Variants in KDM5B observed in about 807,000 individuals in gnomAD.
KDM5B encodes lysine demethylase 5B.
KDM5B carries 144 observed loss-of-function variants against 193.4 expected under a neutral mutation model. That is an observed-to-expected ratio of 0.74 (90% CI 0.65 to 0.86). The LOEUF is 0.86. Among genes scored for constraint, KDM5B ranks in the 40% least tolerant of loss-of-function variants. The pLI is 0.00. For missense variants in KDM5B, 1,833 were observed against 1,886.9 expected (o/e 0.97, Z 0.53); for synonymous variants, 668 against 682.6 (o/e 0.98, Z 0.33).
In KDM5B at chr1:202,734,673, T is replaced by C. The variant is rs554932099; in HGVS notation, c.3423+756A>G. Among the ~76,000 whole-genome samples, 7 of 152,352 alleles carry C rather than the reference T, an allele frequency of 4.6e-5. No homozygotes were observed. In the South Asian group the frequency reaches 1.2e-3, roughly 27 times the overall value. On this transcript the variant is annotated intron_variant, in intron 22 of 26. Transcript: ENST00000367265. ...CACAGATGGAATGGAGGACCTCTGATGGCAGAATTCTGTCTAGAACCTGAC... is the reference window on the plus strand; with the variant it reads ...CACAGATGGAATGGAGGACCTCTGACGGCAGAATTCTGTCTAGAACCTGAC...
chr1:202,737,084 A>G (rs1272287688), intron 20 of KDM5B, among the ~76,000 whole-genome samples: 1 of 152,254 alleles, frequency 6.6e-6, no homozygotes, highest in Non-Finnish European at 1.5e-5. Flanking sequence ...AACAGAAATG[A>G]AGGTTTGTAG....
At position 202,773,173 on chromosome 1, in the gene KDM5B, T is replaced by G; in HGVS notation, c.521A>C (p.His174Pro). 1 of 1,613,806 alleles carries G rather than the reference T, an allele frequency of 6.2e-7. No individual in the cohort carries two copies. Among genetic ancestry groups the G allele is most frequent in the Non-Finnish European group, 8.5e-7 (1 of 1,179,660 alleles). ...GTAGGGGTTGAGAATTCGTTCATAATGCCCTCTGATATGTGAGCCCACTGC... is the reference window on the plus strand; with the variant it reads ...GTAGGGGTTGAGAATTCGTTCATAAGGCCCTCTGATATGTGAGCCCACTGC... ...GKAVGSHIRG[H>P]YERILNPYNL... The change falls in exon 4 of 27, where the codon CAT (histidine) becomes CCT (proline). Residue 174 changes from histidine (H) to proline (P), a missense_variant. By Grantham distance (77) the His-to-Pro change is moderately conservative (BLOSUM62 -2). Transcript: ENST00000367265.
At chr1:202,746,409 GAAA>G (rs71564197) in intron 14 of KDM5B, 86 bp from the exon 15 acceptor site, 173 of 503,584 alleles carry the variant, frequency 3.4e-4, no homozygotes, top group South Asian at 9.2e-4. Flanking sequence ...ACTTGAGTCT[GAAA>G]AAAAAAAAAA....
At position 202,808,092 on chromosome 1, in the gene KDM5B, C is replaced by A. The variant is rs201920245; in HGVS notation, c.204+10G>T. ...CCACGAGCTGGATCCGGGGTGCTGG[C>A]GTGACTCACCGGCGGCGGCCGCACC... On this transcript the variant is annotated intron_variant, in intron 1 of 26. Transcript: ENST00000367265. 1 of 1,609,706 alleles carries A rather than the reference C, an allele frequency of 6.2e-7. No homozygotes were observed. The highest frequency in any genetic ancestry group is 8.5e-7 in the Non-Finnish European group (1 of 1,178,378).
At chr1:202,807,690 G>A (rs1316972691) in intron 1 of KDM5B, among the ~76,000 whole-genome samples, 1 of 137,622 alleles carries the variant, frequency 7.3e-6, no homozygotes, top group Non-Finnish European at 1.6e-5. Flanking sequence ...CCCGGGAGCG[G>A]AGGCGAGGAC....
chr1:202,801,342 TAAG>T (rs2102347947), intron 1 of KDM5B, among the ~76,000 whole-genome samples: 1 of 152,272 alleles, frequency 6.6e-6, no homozygotes, highest in East Asian at 1.9e-4. Flanking sequence ...GATGGTGCTT[TAAG>T]AAGGATGGTC....
intron 12 of KDM5B, among the ~76,000 whole-genome samples, chr1:202,750,980 A>G (rs905363273): frequency 2.0e-5 from 3 of 152,204 alleles, no homozygotes; most frequent in African/African-American, 4.8e-5. Context: ...CCAGACTACC[A>G]AAGTTGATTA....
rs373666185 is a variant in KDM5B, at chr1:202,758,120, TTGC to T, written c.1197+268_1197+270del. Among the ~76,000 whole-genome samples, 139 of 152,310 alleles carry T rather than the reference TTGC, an allele frequency of 9.1e-4. 1 individual carries two copies. In the East Asian group the frequency reaches 0.017, roughly 19 times the overall value. On this transcript the variant is annotated intron_variant, in intron 9 of 26. Coordinates refer to ENST00000367265, the MANE Select transcript of KDM5B (RefSeq NM_006618.5). ...CTTTATATTTGTTGGGCCAAAATGA[TTGC>T]TGATGATTTTCTTTATTAGTGTTCT... is the stretch of plus-strand genomic sequence containing the variant.
chr1:202,737,748 T>C (rs147850395), intron 20 of KDM5B, among the ~76,000 whole-genome samples: 172 of 152,022 alleles, frequency 1.1e-3, no homozygotes, highest in African/African-American at 4.0e-3. Context: ...GTCTAGTCAG[T>C]GACATGAGAA....
At chr1:202,763,364 G>A (rs1572739257) in intron 6 of KDM5B, among the ~76,000 whole-genome samples, 1 of 152,116 alleles carries the variant, frequency 6.6e-6, no homozygotes, top group African/African-American at 2.4e-5. Flanking sequence ...CATTTCAAAG[G>A]TAAGAAAACT....
chr1:202,745,763 A>G, intron 16 of KDM5B, 95 bp downstream of exon 16: 1 of 1,394,240 alleles, frequency 7.2e-7, no homozygotes, highest in Non-Finnish European at 1.0e-6. Flanking sequence ...GGATGAGGTC[A>G]GGCTGTTTCA....
intron 19 of KDM5B, 39 bp downstream of exon 19, chr1:202,741,328 G>C: frequency 7.0e-7 from 1 of 1,433,974 alleles, no homozygotes; most frequent in South Asian, 1.4e-5. Context: ...GGAGATAACT[G>C]TCCAACCTTC....
Position 202,733,429 on chromosome 1 carries a change from G to A in KDM5B, c.3881C>T (p.Ser1294Leu). The A allele has an allele frequency of 6.2e-7, 1 of 1,613,362 alleles. No homozygotes were observed. The highest frequency in any genetic ancestry group is 8.5e-7 in the Non-Finnish European group (1 of 1,179,322). The change falls in exon 23 of 27, where the codon TCA becomes TTA. Residue 1294 changes from serine (S) to leucine (L), a missense_variant. Ser to Leu is a moderately radical substitution (Grantham distance 145, BLOSUM62 -2). Around this residue, in one of 3 missense-constraint regions of KDM5B, gnomAD observed 1,379 missense variants for 1,349.6 expected, o/e 1.02. Transcript: ENST00000367265. ...SGLLYSRWQA[S>L]AGQVSDTNKV... ...GTTTGTGTCTGACACCTGTCCTGCTGAGGCTTGCCATCTGCTATATAACAG... is the reference window on the plus strand; with the variant it reads ...GTTTGTGTCTGACACCTGTCCTGCTAAGGCTTGCCATCTGCTATATAACAG...
At chr1:202,776,952 T>C in intron 2 of KDM5B, 65 bp downstream of exon 2, 1 of 985,024 alleles carries the variant, frequency 1.0e-6, no homozygotes, top group South Asian at 1.3e-5. Context: ...TTTTAATATA[T>C]CGTAATAATT....
At chr1:202,755,536 C>T in intron 10 of KDM5B, 84 bp from the exon 11 acceptor site, 1 of 1,090,458 alleles carries the variant, frequency 9.2e-7, no homozygotes. Context: ...TATTATCCTT[C>T]AAAATAAAAA....
chr1:202,734,015 T>C lies in KDM5B; in HGVS notation c.3424-129A>G, dbSNP rs1006486936. ...CTGTATTCAAATCCTGACTGCCTCA[T>C]ACTAAGCTGTGAGTGACCTGGTGCC... On this transcript the variant is annotated intron_variant, in intron 22 of 26. Transcript: ENST00000367265. 6 of 1,160,968 alleles carry C rather than the reference T, an allele frequency of 5.2e-6. No individual in the cohort carries two copies. In the African/African-American group the frequency reaches 9.1e-5, roughly 18 times the overall value. The allele number at this position is 1,160,968 out of a possible 1,614,324, so 71.9% of individuals were successfully genotyped here.
Position 202,731,093 on chromosome 1 carries a change from T to A in KDM5B, c.4022-30A>T, listed in dbSNP as rs374179048. 3 of 1,560,074 alleles carry A rather than the reference T, an allele frequency of 1.9e-6. No individual in the cohort carries two copies. The African/African-American group carries it at 4.1e-5, about 21-fold the overall frequency. On this transcript the variant is annotated intron_variant, in intron 24 of 26. Transcript: ENST00000367265. ...AAAAGACCAGACCAAATCAAAATGA[T>A]AACAACAAAGGGTGTTTCACATTCA...
intron 1 of KDM5B, among the ~76,000 whole-genome samples, chr1:202,779,875 T>C (rs1657129692): frequency 6.6e-6 from 1 of 151,666 alleles, no homozygotes; most frequent in Admixed American, 6.6e-5. Context: ...ACAAAATACA[T>C]GAATGAAATT....
chr1:202,765,679 T>G (rs942496646), intron 5 of KDM5B, among the ~76,000 whole-genome samples: 1 of 152,202 alleles, frequency 6.6e-6, no homozygotes, highest in African/African-American at 2.4e-5. Flanking sequence ...ATCACTAAAT[T>G]TTTTTCCTAT....
Sources: allele counts gnomAD v4.1 joint callset (sites outside exome capture counted in the v4.1 genomes callset), GRCh38; gene constraint gnomAD v4.1.1; regional missense constraint gnomAD v4.1.1; transcripts MANE v1.5; gene names NCBI Gene and HGNC (gene_info 2026-07-23, HGNC 2026-07-21).